The following NBEA variants were observed in gnomAD, a reference collection of about 807,000 sequenced individuals.
NBEA encodes the protein neurobeachin, also known as lysosomal-trafficking regulator 2.
NBEA carries 44 observed loss-of-function variants against 343.4 expected under a neutral mutation model. The observed-to-expected ratio is 0.13, with a 90% CI of 0.10 to 0.16. The LOEUF (loss-of-function observed/expected upper bound fraction) is 0.16. Ranked by LOEUF, NBEA falls within the 10% of genes least tolerant of loss-of-function variation. NBEA has a pLI of 1.00. For missense variants in NBEA, 2,555 were observed against 3,631.3 expected, an observed-to-expected ratio of 0.70 and a Z score of 7.62; for synonymous variants, 1,175 against 1,238.7, an observed-to-expected ratio of 0.95 and a Z score of 1.08.
intron 1 of NBEA, among the ~76,000 whole-genome samples, chr13:35,026,773 T>A (rs1325376915): frequency 6.6e-6 from 1 of 152,094 alleles, no homozygotes; most frequent in East Asian, 1.9e-4. Context: ...AAATTAACAT[T>A]AATAATATAT....
At chr13:35,444,491 C>T (rs760676208) in intron 39 of NBEA, among the ~76,000 whole-genome samples, 8 of 151,800 alleles carry the variant, frequency 5.3e-5, no homozygotes, top group African/African-American at 1.9e-4. Flanking sequence ...TGGTAGACTT[C>T]GTCAAAATAC....
At chr13:35,016,787 G>A (rs996098097) in intron 1 of NBEA, among the ~76,000 whole-genome samples, 2 of 152,158 alleles carry the variant, frequency 1.3e-5, no homozygotes, top group African/African-American at 4.8e-5. Flanking sequence ...AACTCAAACT[G>A]AGAAGTATAA....
intron 1 of NBEA, among the ~76,000 whole-genome samples, chr13:34,959,282 G>A (rs192674808): frequency 1.3e-3 from 198 of 151,614 alleles, no homozygotes; most frequent in African/African-American, 4.5e-3. Context: ...TGTTTTTTTC[G>A]TAGGTGTTAA....
chr13:35,295,053 T>TAA (rs550152360), intron 35 of NBEA, among the ~76,000 whole-genome samples: 3 of 138,174 alleles, frequency 2.2e-5, no homozygotes, highest in South Asian at 2.3e-4. Context: ...GCTGATGAAC[T>TAA]AAAAAAAAAA....
chr13:35,427,327 C>T (rs2044754748), intron 38 of NBEA, among the ~76,000 whole-genome samples: 1 of 152,110 alleles, frequency 6.6e-6, no homozygotes, highest in South Asian at 2.1e-4. Flanking sequence ...GATGTCCTTC[C>T]TGTTTGTTAG....
At chr13:35,443,009 A>G (rs1335485293) in intron 39 of NBEA, among the ~76,000 whole-genome samples, 3 of 152,068 alleles carry the variant, frequency 2.0e-5, no homozygotes, top group Non-Finnish European at 4.4e-5. Flanking sequence ...GTGAGCAATA[A>G]CTGTTGGTGT....
intron 55 of NBEA, 88 bp from the exon 56 acceptor site, chr13:35,664,997 T>C: frequency 1.2e-6 from 1 of 853,042 alleles, no homozygotes. Flanking sequence ...TTAATAAACA[T>C]GGGTATTTTT....
intron 41 of NBEA, among the ~76,000 whole-genome samples, chr13:35,546,631 C>T (rs2079073872): frequency 1.3e-5 from 2 of 151,506 alleles, no homozygotes. Context: ...CGGCTCACTA[C>T]AACCTCTGCC....
intron 1 of NBEA, among the ~76,000 whole-genome samples, chr13:34,952,660 ATAAT>A (rs1378776644): frequency 2.0e-5 from 3 of 152,188 alleles, no homozygotes; most frequent in Non-Finnish European, 4.4e-5. Flanking sequence ...ATAATTTCTA[ATAAT>A]TGTGATTTCT....
intron 33 of NBEA, among the ~76,000 whole-genome samples, chr13:35,217,046 T>A (rs2074103232): frequency 1.3e-5 from 2 of 152,126 alleles, no homozygotes; most frequent in South Asian, 4.1e-4. Flanking sequence ...TTCTCCTCAT[T>A]GTTACCAGCA....
At chr13:35,331,123 A>G (rs1249408917) in intron 36 of NBEA, among the ~76,000 whole-genome samples, 1 of 152,076 alleles carries the variant, frequency 6.6e-6, no homozygotes, top group Admixed American at 6.6e-5. Context: ...TCTAAGGAGC[A>G]TAAAGATGAC....
intron 40 of NBEA, among the ~76,000 whole-genome samples, chr13:35,463,623 A>G (rs1353923943): frequency 6.6e-6 from 1 of 152,142 alleles, no homozygotes; most frequent in Admixed American, 6.5e-5. Flanking sequence ...CCGTCGCAAA[A>G]AAAAACAAAC....
intron 36 of NBEA, among the ~76,000 whole-genome samples, chr13:35,319,976 T>C (rs2038022951): frequency 6.6e-6 from 1 of 152,000 alleles, no homozygotes; most frequent in Non-Finnish European, 1.5e-5. Context: ...TTATTTTGAG[T>C]CTATATGTGA....
At chr13:34,960,724 C>T (rs985126647) in intron 1 of NBEA, among the ~76,000 whole-genome samples, 2 of 152,036 alleles carry the variant, frequency 1.3e-5, no homozygotes, top group Non-Finnish European at 2.9e-5. Flanking sequence ...AACAATGGGC[C>T]ATACCATAGA....
chr13:35,300,317 C>G (rs900631590), intron 35 of NBEA, among the ~76,000 whole-genome samples: 5 of 151,990 alleles, frequency 3.3e-5, no homozygotes, highest in African/African-American at 1.2e-4. Flanking sequence ...AAGCGAGACT[C>G]TGTCTCAAAA....
At chr13:35,148,318 C>T (rs1252595486) in intron 18 of NBEA, among the ~76,000 whole-genome samples, 1 of 152,110 alleles carries the variant, frequency 6.6e-6, no homozygotes, top group African/African-American at 2.4e-5. Context: ...GAACATAACT[C>T]ATTAAGTAAA....
chr13:35,587,001 A>C (rs1344112347), intron 46 of NBEA, among the ~76,000 whole-genome samples: 1 of 116,124 alleles, frequency 8.6e-6, no homozygotes, highest in Non-Finnish European at 2.1e-5. Flanking sequence ...GAACTCTCAA[A>C]TAGTCAGACA....
At chr13:35,202,597 T>A (rs1431710754) in intron 31 of NBEA, among the ~76,000 whole-genome samples, 1 of 152,150 alleles carries the variant, frequency 6.6e-6, no homozygotes, top group Non-Finnish European at 1.5e-5. Context: ...TAATGGAGAC[T>A]GCCAATACCC....
chr13:35,497,239 T>G (rs2076715896), intron 41 of NBEA, among the ~76,000 whole-genome samples: 1 of 152,078 alleles, frequency 6.6e-6, no homozygotes, highest in South Asian at 2.1e-4. Context: ...GTGCTTATAC[T>G]CTGTATGATT....
Sources: gnomAD v4.1 joint callset for allele counts (sites outside exome capture counted in the v4.1 genomes callset) on GRCh38, gnomAD v4.1.1 for gene constraint, MANE v1.5 for transcripts, NCBI Gene and HGNC (gene_info 2026-07-23, HGNC 2026-07-21) for gene names.